OTOA: variants seen among roughly 807,000 people sequenced by gnomAD.
OTOA encodes cancer/testis antigen 108.
In OTOA, 70 loss-of-function variants were observed where a neutral mutation model predicts 110.8. That is an observed-to-expected ratio of 0.63 (90% confidence interval 0.52 to 0.77). The LOEUF (loss-of-function observed/expected upper bound fraction) is 0.77. Among genes scored for constraint, OTOA ranks in the 30% least tolerant of loss-of-function variants. The pLI is 0.00. For synonymous variants in OTOA, 373 were observed against 431.5 expected, an observed-to-expected ratio of 0.86 and a Z score of 1.68; for missense variants, 917 against 1,075.8, an observed-to-expected ratio of 0.85 and a Z score of 2.06.
chr16:21,671,587 A>C lies in OTOA; in HGVS notation c.-4-6924A>C, dbSNP rs1369738340. On this transcript the variant is annotated intron_variant, in intron 1 of 28. Transcript: ENST00000646100. The stretch of plus-strand genomic sequence containing the variant: ...GGGCAAGAGAGTAAGACTCCATATC[A>C]AAAAAAAAAAAAAGAAAAAAGAAAA... Among the ~76,000 whole-genome samples, 5 of 74,378 alleles carry C rather than the reference A, an allele frequency of 6.7e-5. No homozygotes were observed. The East Asian group carries it at 1.1e-3, about 16-fold the overall frequency. 48.8% of individuals were successfully genotyped at this position (74,378 alleles called of 152,430 possible). A position where few individuals can be genotyped will look rare whatever the true frequency, so the allele number is the denominator to read the frequency against.
intron 1 of OTOA, among the ~76,000 whole-genome samples, chr16:21,673,323 T>C (rs777408228): frequency 7.2e-5 from 11 of 152,178 alleles, no homozygotes; most frequent in Non-Finnish European, 1.2e-4. Flanking sequence ...ATTTCACTAG[T>C]TTTACATGCA....
intron 2 of OTOA, 63 bp downstream of exon 2, chr16:21,678,668 T>C: frequency 7.0e-7 from 1 of 1,419,262 alleles, no homozygotes; most frequent in African/African-American, 1.4e-5. Context: ...TGAGGTGGGA[T>C]AGATACATTA....
chr16:21,724,258 G>C (rs4783413), intron 18 of OTOA, among the ~76,000 whole-genome samples: 58,221 of 151,824 alleles, frequency 0.38, 11,838 homozygotes, highest in Middle Eastern at 0.46. Context: ...GGATAATGAG[G>C]ACTGGACATA....
chr16:21,722,039 C>A (rs1430534488), intron 17 of OTOA, among the ~76,000 whole-genome samples: 2 of 147,590 alleles, frequency 1.4e-5, no homozygotes, highest in Non-Finnish European at 3.0e-5. Flanking sequence ...GCCTGGCCAA[C>A]CTAAAAAAAT....
chr16:21,720,123 T>C (rs1190395945), intron 17 of OTOA, among the ~76,000 whole-genome samples: 1 of 152,034 alleles, frequency 6.6e-6, no homozygotes, highest in Non-Finnish European at 1.5e-5. Context: ...GCCTGGCTAA[T>C]TTATTTATTT....
intron 5 of OTOA, among the ~76,000 whole-genome samples, chr16:21,680,673 C>G (rs1966881514): frequency 1.3e-5 from 2 of 151,856 alleles, no homozygotes; most frequent in African/African-American, 4.8e-5. Flanking sequence ...GCCAACATGG[C>G]AAAACTCAGT....
chr16:21,715,058 T>G lies in OTOA; in HGVS notation c.1394T>G (p.Met465Arg), dbSNP rs760839563. Reference protein sequence around the residue: ...AGVSTQAFCSMKRKDISQVLR... With the variant: ...AGVSTQAFCSRKRKDISQVLR... ...GTCAGCACCCAGGCCTTCTGCAGCA[T>G]GAAACGCAAGGACATCTCGCAGGTC... The change falls in exon 14 of 29, where the codon ATG becomes AGG. Residue 465 changes from methionine (M) to arginine (R), a missense_variant. Physicochemically the swap from Met to Arg is moderately conservative, Grantham distance 91 (BLOSUM62 -1). Transcript: ENST00000646100. The G allele has an allele frequency of 1.2e-6, 2 of 1,614,204 alleles. No homozygotes were observed. Among genetic ancestry groups the G allele is most frequent in the Admixed American group, 1.7e-5 (1 of 60,028 alleles).
At chr16:21,714,743 T>A (rs947736290) in intron 13 of OTOA, among the ~76,000 whole-genome samples, 1 of 152,052 alleles carries the variant, frequency 6.6e-6, no homozygotes, top group African/African-American at 2.4e-5. Context: ...ACTCTTGACC[T>A]CAGGTGATCC....
Position 21,688,039 on chromosome 16 carries a change from A to C in OTOA, c.635+391A>C, listed in dbSNP as rs377327691. On this transcript the variant is annotated intron_variant, in intron 8 of 28. Coordinates refer to ENST00000646100, the MANE Select transcript of OTOA (RefSeq NM_144672.4). Reference sequence around the variant, plus strand: ...ATGCAAAGAGATCTCACCTGGCAGCAGGGAGAAGACAAGTGGGGACAGGTT... The same window carrying C: ...ATGCAAAGAGATCTCACCTGGCAGCCGGGAGAAGACAAGTGGGGACAGGTT... Among the ~76,000 whole-genome samples, 34 of 152,284 alleles carry C rather than the reference A, an allele frequency of 2.2e-4. No individual in the cohort carries two copies. The East Asian group carries it at 6.2e-3, about 28-fold the overall frequency.
At chr16:21,707,799 C>T (rs1435012893) in intron 12 of OTOA, among the ~76,000 whole-genome samples, 1 of 131,284 alleles carries the variant, frequency 7.6e-6, no homozygotes, top group African/African-American at 2.9e-5. Flanking sequence ...TCCCCTTCCC[C>T]TCTCCTCTCC....
At chr16:21,683,027 T>A (rs1966923862) in intron 6 of OTOA, among the ~76,000 whole-genome samples, 2 of 152,206 alleles carry the variant, frequency 1.3e-5, no homozygotes, top group African/African-American at 4.8e-5. Flanking sequence ...GTATCCACTT[T>A]AATCTGATAC....
intron 18 of OTOA, among the ~76,000 whole-genome samples, chr16:21,725,645 A>G (rs1237305451): frequency 2.0e-5 from 3 of 152,118 alleles, no homozygotes; most frequent in Non-Finnish European, 2.9e-5. Context: ...GGGATAAAGA[A>G]AAAAAGGAGT....
chr16:21,701,069 T>C (rs780882111), intron 11 of OTOA, 42 bp downstream of exon 11: 3 of 1,613,550 alleles, frequency 1.9e-6, no homozygotes, highest in South Asian at 2.2e-5. Flanking sequence ...TTTCCCAAGA[T>C]GTGATCTAAG....
intron 1 of OTOA, among the ~76,000 whole-genome samples, chr16:21,672,729 GTCTACCA>G (rs1966851009): frequency 6.6e-6 from 1 of 152,008 alleles, no homozygotes; most frequent in Admixed American, 6.5e-5. Context: ...TAATTAGCAT[GTCTACCA>G]TCTCAAACAT....
Position 21,678,492 on chromosome 16 carries a change from A to G in OTOA, c.-4-19A>G, listed in dbSNP as rs780938610. 5 of 1,563,046 alleles carry G rather than the reference A, an allele frequency of 3.2e-6. No individual in the cohort carries two copies. In the South Asian group the frequency reaches 5.6e-5, roughly 17 times the overall value. ...TATTAAAAAAACATGAATCACTTCT[A>G]TGCTTAAATTAACTACAGGAGAATG... On this transcript the variant is annotated intron_variant, in intron 1 of 28. Transcript: ENST00000646100.
rs1354362549 is a variant in OTOA, at chr16:21,728,308, C to A, written c.2084C>A (p.Ala695Asp). ...MGNLLCHLPA[A>D]IIDRGISPRA... ...AACCTGCTGTGTCACTTGCCGGCAG[C>A]CATCATCGACAGGGGGATCTCCCCC... Residue 695 changes from alanine (A) to aspartate (D), a missense_variant, in exon 20 of 29, where the codon GCC becomes GAC. Physicochemically the swap from Ala to Asp is moderately radical, Grantham distance 126. Around this residue, in one of 6 missense-constraint regions of OTOA, gnomAD observed 840 missense variants for 910.2 expected, o/e 0.92. Transcript: ENST00000646100. The A allele has an allele frequency of 6.2e-7, 1 of 1,614,188 alleles. No individual in the cohort carries two copies. The highest frequency in any genetic ancestry group is 8.5e-7 in the Non-Finnish European group (1 of 1,180,038).
At chr16:21,691,469 G>A (rs1429951054) in intron 8 of OTOA, 115 bp from the exon 9 acceptor site, 2 of 804,334 alleles carry the variant, frequency 2.5e-6, no homozygotes. Context: ...ACATCCAGGA[G>A]AGGGAAGGGT....
intron 15 of OTOA, among the ~76,000 whole-genome samples, chr16:21,717,706 C>T (rs1311464800): frequency 6.6e-6 from 1 of 152,136 alleles, no homozygotes; most frequent in East Asian, 1.9e-4. Context: ...TTAGTACCAT[C>T]GTTGACTACC....
chr16:21,714,446 T>C lies in OTOA; in HGVS notation c.1321-539T>C, dbSNP rs531459373. Among the ~76,000 whole-genome samples, 65 of 117,120 alleles carry C rather than the reference T, an allele frequency of 5.5e-4. No individual in the cohort carries two copies. In the East Asian group the frequency reaches 7.5e-3, roughly 14 times the overall value. 76.8% of individuals were successfully genotyped at this position (117,120 alleles called of 152,430 possible). Reference sequence around the variant, plus strand: ...TTCCTTTCTTTCTCTCTTTCTTTCTTTCTCTCTCTCTCTCTTCTTTCTTTC... The same window carrying C: ...TTCCTTTCTTTCTCTCTTTCTTTCTCTCTCTCTCTCTCTCTTCTTTCTTTC... On this transcript the variant is annotated intron_variant, in intron 13 of 28. Coordinates refer to ENST00000646100, the MANE Select transcript of OTOA (RefSeq NM_144672.4).
Sources: gnomAD v4.1 joint callset for allele counts (sites outside exome capture counted in the v4.1 genomes callset) on GRCh38, gnomAD v4.1.1 for gene constraint, gnomAD v4.1.1 regional missense constraint, MANE v1.5 for transcripts, NCBI Gene and HGNC (gene_info 2026-07-23, HGNC 2026-07-21) for gene names.